BRI3BP: variants seen among roughly 807,000 people sequenced by gnomAD.
The protein encoded by BRI3BP is BRI3-binding protein.
Under a neutral mutation model 15.8 loss-of-function variants are expected in BRI3BP, and 7 were observed. That is an observed-to-expected ratio of 0.44 (90% CI 0.25 to 0.83). BRI3BP has a LOEUF of 0.83. Among genes scored for constraint, BRI3BP ranks in the 40% least tolerant of loss-of-function variants. BRI3BP has a pLI of 0.20. For synonymous variants in BRI3BP, 192 were observed against 163.5 expected, an observed-to-expected ratio of 1.17 and a Z score of -1.33; for missense variants, 320 against 339.3, an observed-to-expected ratio of 0.94 and a Z score of 0.45.
chr12:125,032,507 C>T (rs546675067), downstream of BRI3BP, among the ~76,000 whole-genome samples: 3 of 151,852 alleles, frequency 2.0e-5, no homozygotes, highest in East Asian at 1.9e-4. Context: ...CAGTGGCTCA[C>T]GCCTGTCATC....
intron 2 of BRI3BP, among the ~76,000 whole-genome samples, chr12:125,019,734 T>C (rs1427421777): frequency 6.7e-6 from 1 of 149,462 alleles, no homozygotes; most frequent in Non-Finnish European, 1.5e-5. Context: ...TCTGTTCCTC[T>C]GAATTCAAAA....
chr12:125,000,374 C>G (rs1202661164), intron 1 of BRI3BP, among the ~76,000 whole-genome samples: 1 of 141,192 alleles, frequency 7.1e-6, no homozygotes, highest in East Asian at 2.0e-4. Flanking sequence ...AGTGCAGTGG[C>G]GCAATCTCGG....
intron 2 of BRI3BP, among the ~76,000 whole-genome samples, chr12:125,024,317 A>ACCACCCCCATGATCCAATCAC (rs1955328234): frequency 7.1e-6 from 1 of 140,182 alleles, no homozygotes; most frequent in African/African-American, 2.6e-5. Context: ...TGATCCAATC[A>ACCACCCCCATGATCCAATCAC]CCCCCCACGA....
At chr12:125,036,258 G>T in the BRI3BP span, among the ~76,000 whole-genome samples, 11 of 151,524 alleles carry the variant, frequency 7.3e-5, no homozygotes, top group Non-Finnish European at 1.5e-4. Context: ...AGAGACGGGG[G>T]TTTCACCATG....
chr12:125,034,481 C>G (rs1955428627), downstream of BRI3BP, among the ~76,000 whole-genome samples: 1 of 152,210 alleles, frequency 6.6e-6, no homozygotes, highest in Non-Finnish European at 1.5e-5. Flanking sequence ...TTGCCACAAT[C>G]AAAATAGCAA....
downstream of BRI3BP, among the ~76,000 whole-genome samples, chr12:125,033,608 T>C (rs1043370616): frequency 2.0e-5 from 3 of 152,104 alleles, no homozygotes; most frequent in South Asian, 2.1e-4. Flanking sequence ...CTGTGACTTA[T>C]GTTTCTTTTC....
At chr12:124,999,291 A>C (rs566064260) in intron 1 of BRI3BP, among the ~76,000 whole-genome samples, 3 of 152,266 alleles carry the variant, frequency 2.0e-5, no homozygotes, top group Non-Finnish European at 4.4e-5. Flanking sequence ...TCCACTTCCC[A>C]CTACCGACCC....
intron 2 of BRI3BP, among the ~76,000 whole-genome samples, chr12:125,014,303 C>G (rs546543433): frequency 4.7e-4 from 72 of 152,298 alleles, no homozygotes; most frequent in Non-Finnish European, 8.5e-4. Context: ...GGTCCCTGGT[C>G]CCAGCTGCCA....
intron 2 of BRI3BP, among the ~76,000 whole-genome samples, chr12:125,019,697 A>G (rs925068324): frequency 2.9e-5 from 4 of 136,926 alleles, no homozygotes; most frequent in Non-Finnish European, 6.1e-5. Context: ...TTCAGTGACA[A>G]ACATGGCTCA....
chr12:125,036,358 C>T, the BRI3BP span, among the ~76,000 whole-genome samples: 6 of 151,060 alleles, frequency 4.0e-5, no homozygotes, highest in South Asian at 6.3e-4. Flanking sequence ...CCACCGCACC[C>T]GGCCTAATTT....
rs1274200478 is a variant in BRI3BP, at chr12:125,027,016, G to T, written c.*1586G>T. The T allele has an allele frequency of 6.6e-6, 1 of 151,098 alleles. No homozygotes were observed. The highest frequency in any genetic ancestry group is 1.5e-5 in the Non-Finnish European group (1 of 67,930). The allele number at this position is 151,098 out of a possible 1,614,324, so 9.4% of individuals were successfully genotyped here. A position where few individuals can be genotyped will look rare whatever the true frequency, so the allele number is the denominator to read the frequency against. On this transcript the variant is annotated 3_prime_UTR_variant, in exon 3 of 3. Transcript: ENST00000341446. Reference sequence around the variant, plus strand: ...GCTGCTGGGGATCACGACTGTCTCTGTGGCCCTTACCTGGCCACAGATGTA... The same window carrying T: ...GCTGCTGGGGATCACGACTGTCTCTTTGGCCCTTACCTGGCCACAGATGTA...
At chr12:125,034,562 G>T (rs1208686626), downstream of BRI3BP, among the ~76,000 whole-genome samples, 1 of 152,000 alleles carries the variant, frequency 6.6e-6, no homozygotes, top group African/African-American at 2.4e-5. Flanking sequence ...CCTTTGAGCT[G>T]CTCTCTGTCA....
rs889544194 is a variant in BRI3BP at position 125,026,011 on chromosome 12, G to A, written c.*581G>A. ...ATGTTGTCACTTCTAAATGTGGACAGTTGGGCTGCAGGATGCAACTCAACC... is the reference window on the plus strand; with the variant it reads ...ATGTTGTCACTTCTAAATGTGGACAATTGGGCTGCAGGATGCAACTCAACC... On this transcript the variant is annotated 3_prime_UTR_variant, in exon 3 of 3. Transcript: ENST00000341446. The A allele has an allele frequency of 3.9e-5, 6 of 152,220 alleles. No individual in the cohort carries two copies. Among genetic ancestry groups the A allele is most frequent in the African/African-American group, 1.4e-4 (6 of 41,432 alleles). The allele number at this position is 152,220 out of a possible 1,614,324, so 9.4% of individuals were successfully genotyped here.
chr12:125,022,541 A>ATTTATTTATTTTTTTT, intron 2 of BRI3BP, among the ~76,000 whole-genome samples: 13,837 of 138,750 alleles, frequency 0.1, 839 homozygotes, highest in South Asian at 0.16. Flanking sequence ...TTATTTATTT[A>ATTTATTTATTTTTTTT]TTTTTTGAGA....
chr12:125,008,460 C>T lies in BRI3BP; in HGVS notation c.214-4074C>T, dbSNP rs527755472. 3.5e-4 allele frequency among the ~76,000 whole-genome samples: 53 copies of T among 152,058 alleles called. 1 individual carries two copies. Among genetic ancestry groups the T allele is most frequent in the African/African-American group, 1.1e-3 (44 of 41,498 alleles). Reference sequence around the variant, plus strand: ...CCTGTGTAGCTGGGACTACAGGCGCCCACCACCACGCATGGCTAATTTTTT... The same window carrying T: ...CCTGTGTAGCTGGGACTACAGGCGCTCACCACCACGCATGGCTAATTTTTT... On this transcript the variant is annotated intron_variant, in intron 1 of 2. Coordinates refer to ENST00000341446, the MANE Select transcript of BRI3BP (RefSeq NM_080626.6).
chr12:125,022,027 C>T (rs1423807710), intron 2 of BRI3BP, among the ~76,000 whole-genome samples: 1 of 150,396 alleles, frequency 6.6e-6, no homozygotes, highest in African/African-American at 2.4e-5. Flanking sequence ...CTGCAGTGAG[C>T]CGAGATCACA....
At chr12:125,019,660 C>CTTTTTTTTTTT (rs1955278838) in intron 2 of BRI3BP, among the ~76,000 whole-genome samples, 340 of 24,648 alleles carry the variant, frequency 0.014, 51 homozygotes, top group African/African-American at 0.04. Context: ...TTTTTTTTGC[C>CTTTTTTTTTTT]TTTTTTGCTG....
the BRI3BP span, among the ~76,000 whole-genome samples, chr12:125,041,307 C>T: frequency 6.6e-6 from 1 of 151,114 alleles, no homozygotes; most frequent in Non-Finnish European, 1.5e-5. Context: ...CCACCTGCCT[C>T]GGCCTCCCAA....
chr12:125,047,461 C>T, the BRI3BP span, among the ~76,000 whole-genome samples: 2 of 152,010 alleles, frequency 1.3e-5, no homozygotes, highest in African/African-American at 4.8e-5. Context: ...GCGTGAGCCA[C>T]CGCACCCGGC....
Sources: allele counts gnomAD v4.1 joint callset (sites outside exome capture counted in the v4.1 genomes callset), GRCh38; gene constraint gnomAD v4.1.1; transcripts MANE v1.5; gene names NCBI Gene and HGNC (gene_info 2026-07-23, HGNC 2026-07-21).